Variants in CRISPLD1 observed in about 807,000 individuals in gnomAD.
The protein encoded by CRISPLD1 is cysteine rich secretory protein LCCL domain containing 1.
Under a neutral mutation model 77.5 loss-of-function variants are expected in CRISPLD1, and 60 were observed. The observed-to-expected ratio is 0.77, with a 90% CI of 0.63 to 0.96. The LOEUF is 0.96. Ranked by LOEUF, CRISPLD1 falls within the 40% of genes least tolerant of loss-of-function variation. The probability of loss-of-function intolerance (pLI) is 0.00; values close to 1 mark genes in which losing one functional copy is unlikely to be tolerated. For synonymous variants in CRISPLD1, 195 were observed against 200.1 expected (o/e 0.97, Z 0.22); for missense variants, 623 against 615.8 (o/e 1.01, Z -0.12).
At chr8:75,031,517 A>G (rs1041261939) in intron 14 of CRISPLD1, among the ~76,000 whole-genome samples, 1 of 151,776 alleles carries the variant, frequency 6.6e-6, no homozygotes, top group Non-Finnish European at 1.5e-5. Flanking sequence ...ATGAGTCTGC[A>G]TTACTTTTAA....
Position 75,034,273 on chromosome 8 carries a change from A to G in CRISPLD1, c.*2031A>G, listed in dbSNP as rs920672187. 6.6e-6 allele frequency: 1 copy of G among 152,116 alleles called. No individual in the cohort carries two copies. Among genetic ancestry groups the G allele is most frequent in the Admixed American group, 6.5e-5 (1 of 15,270 alleles). The allele number at this position is 152,116 out of a possible 1,614,324, so 9.4% of individuals were successfully genotyped here. On this transcript the variant is annotated 3_prime_UTR_variant, in exon 15 of 15. Transcript: ENST00000262207. ...TCCTTGGGTAAGTTATTTAACTTCA[A>G]TTTACCTTACCTGTAAAATGGAACA...
At chr8:74,986,473 T>G (rs1812500907) in intron 2 of CRISPLD1, among the ~76,000 whole-genome samples, 1 of 152,218 alleles carries the variant, frequency 6.6e-6, no homozygotes, top group African/African-American at 2.4e-5. Flanking sequence ...TCCTACTAAG[T>G]GCTGTAAATT....
rs778859478 is a variant in CRISPLD1, at chr8:75,016,592, G to T, written c.755G>T (p.Arg252Leu). 1 of 1,613,142 alleles carries T rather than the reference G, an allele frequency of 6.2e-7. No individual in the cohort carries two copies. Among genetic ancestry groups the T allele is most frequent in the Non-Finnish European group, 8.5e-7 (1 of 1,179,382 alleles). ...GGGTCAGACAGGTATTATCCCCCTC[G>T]AGAAGAGGAAACAAATGAAATAGAA... is the stretch of plus-strand genomic sequence containing the variant. ...KEGSDRYYPP[R>L]EEETNEIERQ... is the part of the protein sequence containing the mutation. Residue 252 changes from arginine to leucine, a missense_variant, in exon 7 of 15, where the codon CGA (arginine) becomes CTA (leucine). Transcript: ENST00000262207.
chr8:74,993,108 A>G (rs190953439), intron 2 of CRISPLD1, among the ~76,000 whole-genome samples: 54 of 152,270 alleles, frequency 3.5e-4, no homozygotes, highest in Admixed American at 3.1e-3. Flanking sequence ...TATGTCCAGA[A>G]TAAATGTAGA....
chr8:74,999,158 C>CT (rs1253608506), intron 2 of CRISPLD1, among the ~76,000 whole-genome samples: 2 of 151,974 alleles, frequency 1.3e-5, no homozygotes, highest in African/African-American at 2.4e-5. Flanking sequence ...GCAAAGGTTA[C>CT]TTTTTTCTTC....
rs117951908 is a variant in CRISPLD1 at position 75,005,340 on chromosome 8, G to C, written c.259-7093G>C. Among the ~76,000 whole-genome samples, 116 of 152,214 alleles carry C rather than the reference G, an allele frequency of 7.6e-4. 1 individual carries two copies. The highest frequency in any genetic ancestry group is 1.3e-3 in the Non-Finnish European group (85 of 67,978). Reference sequence around the variant, plus strand: ...AAAGAATTCGGAAAGACTTATTTCAGCTCCGTAATGTTAGAGATAAGGAAA... The same window carrying C: ...AAAGAATTCGGAAAGACTTATTTCACCTCCGTAATGTTAGAGATAAGGAAA... On this transcript the variant is annotated intron_variant, in intron 2 of 14. Coordinates refer to ENST00000262207, the MANE Select transcript of CRISPLD1 (RefSeq NM_031461.6).
chr8:75,002,198 G>A (rs1016940796), intron 2 of CRISPLD1, among the ~76,000 whole-genome samples: 7 of 151,850 alleles, frequency 4.6e-5, no homozygotes, highest in African/African-American at 1.7e-4. Flanking sequence ...ACTTTAGATA[G>A]CAGTGATTAT....
chr8:74,987,256 C>T (rs1266764059), intron 2 of CRISPLD1, among the ~76,000 whole-genome samples: 2 of 152,086 alleles, frequency 1.3e-5, no homozygotes, highest in Non-Finnish European at 2.9e-5. Flanking sequence ...TTATTTTACC[C>T]TAAAGAAAGT....
At chr8:75,016,432 A>C (rs1235313851) in intron 6 of CRISPLD1, 133 bp from the exon 7 acceptor site, 1 of 850,216 alleles carries the variant, frequency 1.2e-6, no homozygotes, top group African/African-American at 1.7e-5. Context: ...TTAAGCCAAA[A>C]CCTGTGCAGA....
At chr8:74,985,573 T>G (rs577705624) in intron 1 of CRISPLD1, among the ~76,000 whole-genome samples, 1 of 152,204 alleles carries the variant, frequency 6.6e-6, no homozygotes, top group African/African-American at 2.4e-5. Context: ...TAGGTAGATA[T>G]AACATCCTTT....
intron 14 of CRISPLD1, among the ~76,000 whole-genome samples, chr8:75,030,784 GTA>G (rs1052123324): frequency 2.2e-5 from 3 of 134,114 alleles, no homozygotes; most frequent in African/African-American, 5.4e-5. Context: ...GTGTGTGACT[GTA>G]TATATGTGTG....
In CRISPLD1 at chr8:75,011,182, A is replaced by T. The variant is rs996161081; in HGVS notation, c.259-1251A>T. Reference sequence around the variant, plus strand: ...GGTACATGTGCACAATGTGCAGGTTAGTTACATATGTATACATGTGCCATG... The same window carrying T: ...GGTACATGTGCACAATGTGCAGGTTTGTTACATATGTATACATGTGCCATG... On this transcript the variant is annotated intron_variant, in intron 2 of 14. Transcript: ENST00000262207. 2.7e-5 allele frequency among the ~76,000 whole-genome samples: 4 copies of T among 150,816 alleles called. 1 individual carries two copies. The Middle Eastern group carries it at 0.01, about 385-fold the overall frequency.
At chr8:74,985,808 C>G (rs761616395) in intron 1 of CRISPLD1, 118 bp from the exon 2 acceptor site, 64 of 688,820 alleles carry the variant, frequency 9.3e-5, no homozygotes, top group African/African-American at 1.6e-4. Context: ...CCATTTTCTG[C>G]TGTTAAATAG....
intron 2 of CRISPLD1, among the ~76,000 whole-genome samples, chr8:74,994,275 A>G (rs1195951747): frequency 6.6e-6 from 1 of 152,210 alleles, no homozygotes; most frequent in Non-Finnish European, 1.5e-5. Context: ...CTATGTGATC[A>G]TAAAATTAAT....
chr8:75,014,999 C>T (rs1457107791), intron 6 of CRISPLD1, 87 bp downstream of exon 6: 22 of 756,430 alleles, frequency 2.9e-5, no homozygotes, highest in Non-Finnish European at 4.1e-5. Context: ...GCCAGAAGTG[C>T]ACTTAATGAT....
At chr8:74,993,046 T>C (rs1812597274) in intron 2 of CRISPLD1, among the ~76,000 whole-genome samples, 1 of 152,108 alleles carries the variant, frequency 6.6e-6, no homozygotes, top group African/African-American at 2.4e-5. Context: ...GTGAATTGCT[T>C]CATTTACTCT....
intron 2 of CRISPLD1, chr8:75,000,546 A>G (rs16939018): frequency 0.085 from 32,704 of 384,968 alleles, 2,231 homozygotes; most frequent in African/African-American, 0.25. Flanking sequence ...GAGAATGCCT[A>G]TTGCCCTCCC....
intron 2 of CRISPLD1, among the ~76,000 whole-genome samples, chr8:74,995,538 G>A (rs1812633579): frequency 6.6e-6 from 1 of 152,126 alleles, no homozygotes; most frequent in African/African-American, 2.4e-5. Flanking sequence ...GCAGTGGCAC[G>A]ATCACAGCAC....
chr8:75,018,767 T>G lies in CRISPLD1; in HGVS notation c.1128-1103T>G, dbSNP rs138382552. Among the ~76,000 whole-genome samples the G allele has an allele frequency of 4.6e-5, 7 of 152,108 alleles. No individual in the cohort carries two copies. In the East Asian group the frequency reaches 1.4e-3, roughly 29 times the overall value. On this transcript the variant is annotated intron_variant, in intron 10 of 14. Coordinates refer to ENST00000262207, the MANE Select transcript of CRISPLD1 (RefSeq NM_031461.6). ...CACCATGTCCAACTAATTTTTGTTATTTTTAGTAGAGATGGGGTTTCATCA... is the reference window on the plus strand; with the variant it reads ...CACCATGTCCAACTAATTTTTGTTAGTTTTAGTAGAGATGGGGTTTCATCA...
Sources: gnomAD v4.1 joint callset for allele counts (sites outside exome capture counted in the v4.1 genomes callset) on GRCh38, gnomAD v4.1.1 for gene constraint, MANE v1.5 for transcripts, NCBI Gene and HGNC (gene_info 2026-07-23, HGNC 2026-07-21) for gene names.